Variants in MAGI1 observed in about 807,000 individuals in gnomAD.
MAGI1 encodes the protein membrane-associated guanylate kinase, WW and PDZ domain-containing protein 1.
MAGI1 carries 58 observed loss-of-function variants against 139.9 expected under a neutral mutation model. That is an observed-to-expected ratio of 0.41 (90% CI 0.34 to 0.52). MAGI1 has a LOEUF of 0.52. Ranked by LOEUF, MAGI1 falls within the 20% of genes least tolerant of loss-of-function variation. The pLI, the probability that MAGI1 is intolerant of heterozygous loss-of-function variation, is 0.12. For missense variants in MAGI1, 1,874 were observed against 1,901.6 expected, an observed-to-expected ratio of 0.99 and a Z score of 0.27; for synonymous variants, 812 against 737.9, an observed-to-expected ratio of 1.10 and a Z score of -1.63.
intron 2 of MAGI1, among the ~76,000 whole-genome samples, chr3:65,550,625 T>A (rs1368286114): frequency 1.3e-5 from 2 of 152,120 alleles, no homozygotes; most frequent in East Asian, 3.9e-4. Flanking sequence ...AAACTGGGAT[T>A]GGCCCCCAGC....
At chr3:65,830,081 A>G (rs570394489) in intron 1 of MAGI1, among the ~76,000 whole-genome samples, 24 of 152,348 alleles carry the variant, frequency 1.6e-4, no homozygotes, top group South Asian at 4.1e-4. Context: ...ATACAGAGGC[A>G]AAGATCTTTC....
chr3:65,661,122 T>C (rs551042807), intron 1 of MAGI1, among the ~76,000 whole-genome samples: 1 of 152,280 alleles, frequency 6.6e-6, no homozygotes, highest in South Asian at 2.1e-4. Context: ...CCAATGTATA[T>C]TCTTACACAT....
chr3:65,922,990 G>C (rs2062294355), intron 1 of MAGI1, among the ~76,000 whole-genome samples: 1 of 152,144 alleles, frequency 6.6e-6, no homozygotes, highest in South Asian at 2.1e-4. Flanking sequence ...GAACATAAGA[G>C]ATTCAAAACA....
rs745912189 is a variant in MAGI1, at chr3:65,429,545, C to T, written c.2142G>A (p.Glu714=). ...DMLVECPKGS[E]VTLLVQRGGL... is the part of the protein sequence containing the mutation. ...CTCCTCGTTGCACCAACAATGTGAC[C>T]TCACTTCCCTTAGGACACTCAACCA... is the stretch of plus-strand genomic sequence containing the variant. The change falls in exon 12 of 23, where the codon GAG becomes GAA. Residue 714 remains glutamate, a synonymous_variant. Coordinates refer to ENST00000402939, the MANE Select transcript of MAGI1 (RefSeq NM_001033057.2). 14 of 1,612,226 alleles carry T rather than the reference C, an allele frequency of 8.7e-6. No individual in the cohort carries two copies. The highest frequency in any genetic ancestry group is 2.2e-5 in the South Asian group (2 of 91,020).
At chr3:66,022,870 T>C (rs1050240390) in intron 1 of MAGI1, among the ~76,000 whole-genome samples, 6 of 151,982 alleles carry the variant, frequency 3.9e-5, no homozygotes, top group African/African-American at 1.2e-4. Context: ...ATATACACTG[T>C]GGAGGAACTT....
At chr3:65,533,543 T>A (rs1233053061) in intron 2 of MAGI1, among the ~76,000 whole-genome samples, 1 of 152,172 alleles carries the variant, frequency 6.6e-6, no homozygotes, top group Non-Finnish European at 1.5e-5. Flanking sequence ...TTTCAAAAGG[T>A]CATTAAATAC....
chr3:66,020,145 T>G (rs965169134), intron 1 of MAGI1, among the ~76,000 whole-genome samples: 5 of 152,160 alleles, frequency 3.3e-5, no homozygotes, highest in African/African-American at 1.2e-4. Flanking sequence ...CATCTGCAAA[T>G]AAGAGCCATC....
intron 1 of MAGI1, among the ~76,000 whole-genome samples, chr3:65,886,870 C>G (rs2060553149): frequency 6.6e-6 from 1 of 152,160 alleles, no homozygotes; most frequent in Non-Finnish European, 1.5e-5. Context: ...AACAAAATAA[C>G]CAGTATTGAA....
chr3:65,842,822 C>T (rs1264778295), intron 1 of MAGI1, among the ~76,000 whole-genome samples: 1 of 152,238 alleles, frequency 6.6e-6, no homozygotes, highest in Non-Finnish European at 1.5e-5. Flanking sequence ...TGACCTACTG[C>T]TCTTTATTCA....
intron 8 of MAGI1, 47 bp downstream of exon 8, chr3:65,442,745 T>C (rs752910455): frequency 2.9e-6 from 4 of 1,393,984 alleles, no homozygotes; most frequent in Non-Finnish European, 4.1e-6. Flanking sequence ...ATGTACATAA[T>C]TATAGAGAGG....
At chr3:65,704,277 T>C (rs1201714582) in intron 1 of MAGI1, among the ~76,000 whole-genome samples, 1 of 152,192 alleles carries the variant, frequency 6.6e-6, no homozygotes, top group Non-Finnish European at 1.5e-5. Flanking sequence ...AGACACCTCA[T>C]TTGCAGTTTG....
chr3:65,748,882 A>G (rs140474639), intron 1 of MAGI1, among the ~76,000 whole-genome samples: 4,185 of 152,268 alleles, frequency 0.027, 94 homozygotes, highest in Non-Finnish European at 0.043. Flanking sequence ...GACACGGACA[A>G]AAGGGCAGAA....
In MAGI1 at chr3:65,453,342, T is replaced by C; in HGVS notation, c.960-2A>G. On this transcript the variant is annotated splice_acceptor_variant, in intron 5 of 22. Transcript: ENST00000402939. LOFTEE classifies it high-confidence loss of function. ...CAAGATGTTGTTTTCGTGTTATGGCTGCAATCCAGAAACAAAAATAAGAAA... is the reference window on the plus strand; with the variant it reads ...CAAGATGTTGTTTTCGTGTTATGGCCGCAATCCAGAAACAAAAATAAGAAA... 6.3e-7 allele frequency: 1 copy of C among 1,578,812 alleles called. No homozygotes were observed.
At chr3:65,817,729 T>C (rs1293144903) in intron 1 of MAGI1, among the ~76,000 whole-genome samples, 8 of 152,208 alleles carry the variant, frequency 5.3e-5, no homozygotes, top group Middle Eastern at 3.2e-3. Flanking sequence ...ACCATTCCTA[T>C]TCTGCTCTAT....
intron 1 of MAGI1, among the ~76,000 whole-genome samples, chr3:65,917,335 C>G (rs2061952757): frequency 2.0e-5 from 3 of 152,202 alleles, no homozygotes; most frequent in African/African-American, 7.2e-5. Flanking sequence ...CAGGAACTCT[C>G]ACTCACTGCT....
At chr3:65,886,119 C>A (rs2060521891) in intron 1 of MAGI1, among the ~76,000 whole-genome samples, 1 of 152,158 alleles carries the variant, frequency 6.6e-6, no homozygotes, top group Non-Finnish European at 1.5e-5. Flanking sequence ...AATGGGCCAA[C>A]CTTTCATTCC....
rs117260516 is a variant in MAGI1, at chr3:65,431,539, T to C, written c.1364-658A>G. Among the ~76,000 whole-genome samples the C allele has an allele frequency of 1.1e-4, 16 of 152,212 alleles. No individual in the cohort carries two copies. The East Asian group carries it at 2.9e-3, about 28-fold the overall frequency. On this transcript the variant is annotated intron_variant, in intron 10 of 22. Coordinates refer to ENST00000402939, the MANE Select transcript of MAGI1 (RefSeq NM_001033057.2). ...GCCAACGCATGCCTAGGGCTAAGAA[T>C]TACTGTTTAAAACAAGTTTAGGATA...
chr3:65,439,798 C>T (rs2107411303), intron 9 of MAGI1, 81 bp downstream of exon 9: 1 of 1,596,212 alleles, frequency 6.3e-7, no homozygotes, highest in Non-Finnish European at 8.5e-7. Context: ...GAGGCCAGTT[C>T]TGACCACACG....
intron 2 of MAGI1, among the ~76,000 whole-genome samples, chr3:65,510,744 A>G (rs2077545409): frequency 8.5e-6 from 1 of 118,090 alleles, no homozygotes; most frequent in Non-Finnish European, 1.7e-5. Flanking sequence ...GATATTATCC[A>G]GGAGAACTTC....
Sources: allele counts gnomAD v4.1 joint callset (sites outside exome capture counted in the v4.1 genomes callset), GRCh38; gene constraint gnomAD v4.1.1; transcripts MANE v1.5; gene names NCBI Gene and HGNC (gene_info 2026-07-23, HGNC 2026-07-21).